DMD: variants seen among roughly 807,000 people sequenced by gnomAD.
The protein encoded by DMD is mutant dystrophin.
A neutral mutation model predicts 330.1 loss-of-function variants in DMD; 63 were observed. That is an observed-to-expected ratio of 0.19 (90% CI 0.16 to 0.24). The LOEUF is 0.24. Ranked by LOEUF, DMD falls within the 10% of genes least tolerant of loss-of-function variation. The pLI is 1.00. For missense variants in DMD, 3,344 were observed against 2,684.1 expected, an observed-to-expected ratio of 1.25 and a Z score of -5.43; for synonymous variants, 1,223 against 959.8, an observed-to-expected ratio of 1.27 and a Z score of -5.07.
chrX:32,670,031 G>C (rs952045135), intron 9 of DMD, among the ~76,000 whole-genome samples: 2 of 111,771 alleles, frequency 1.8e-5, no homozygotes, highest in African/African-American at 6.5e-5. Flanking sequence ...TCTATGGGAT[G>C]ATCTCCTTAT....
Position 32,844,773 on chromosome X carries a change from T to C in DMD, c.264+10A>G, listed in dbSNP as rs1489424257. On this transcript the variant is annotated intron_variant, in intron 4 of 78. Transcript: ENST00000357033. Reference sequence around the variant, plus strand: ...CACAGCATCCAGACCTTGTCCAGGGTACTACTTACATTATTGTTCTGCAAA... The same window carrying C: ...CACAGCATCCAGACCTTGTCCAGGGCACTACTTACATTATTGTTCTGCAAA... The C allele has an allele frequency of 1.7e-6, 2 of 1,200,366 alleles. No individual in the cohort carries two copies. The highest frequency in any genetic ancestry group is 5.9e-5 in the East Asian group (2 of 33,725).
At chrX:31,828,500 C>T (rs2092941041) in intron 49 of DMD, among the ~76,000 whole-genome samples, 1 of 109,408 alleles carries the variant, frequency 9.1e-6, no homozygotes. Flanking sequence ...TCCGACTCTA[C>T]TAAAAATACA....
chrX:32,079,618 A>C (rs762226713), intron 44 of DMD, among the ~76,000 whole-genome samples: 12 of 110,888 alleles, frequency 1.1e-4, no homozygotes, highest in Non-Finnish European at 2.3e-4. Flanking sequence ...GAAAGAAAAG[A>C]AAGAAAAAGA....
At chrX:32,928,588 G>A (rs751281294) in intron 2 of DMD, among the ~76,000 whole-genome samples, 8 of 111,661 alleles carry the variant, frequency 7.2e-5, no homozygotes, top group South Asian at 3.7e-4. Context: ...TTTTCAATCC[G>A]TTTCATCAGG....
At chrX:31,152,477 T>G (rs376197199) in intron 74 of DMD, among the ~76,000 whole-genome samples, 14 of 111,653 alleles carry the variant, frequency 1.3e-4, no homozygotes, top group Non-Finnish European at 2.1e-4. Flanking sequence ...GCATCTTAAA[T>G]GTAAGTAAAA....
intron 2 of DMD, among the ~76,000 whole-genome samples, chrX:32,924,299 G>A (rs5972712): frequency 0.18 from 19,906 of 110,740 alleles, 1,469 homozygotes; most frequent in African/African-American, 0.26. Context: ...AGGCTGAGGC[G>A]GGAGGATTGC....
At chrX:31,248,197 T>C (rs771583732) in intron 63 of DMD, among the ~76,000 whole-genome samples, 1 of 112,504 alleles carries the variant, frequency 8.9e-6, no homozygotes, top group Non-Finnish European at 1.9e-5. Context: ...CTAGACTACA[T>C]TATAGAGTAA....
In DMD at chrX:31,203,943, A is replaced by G. The variant is rs1290382564; in HGVS notation, c.9807+18T>C. On this transcript the variant is annotated intron_variant, in intron 67 of 78. Coordinates refer to ENST00000357033, the MANE Select transcript of DMD (RefSeq NM_004006.3). ...ATATGAAAGAATAAATATGTTACCT[A>G]GAAGGTGAATAACTTACAAATTGGA... The G allele has an allele frequency of 8.4e-7, 1 of 1,187,006 alleles. No individual in the cohort carries two copies. The highest frequency in any genetic ancestry group is 1.1e-6 in the Non-Finnish European group (1 of 872,848).
At chrX:31,301,520 C>A (rs2054639111) in intron 62 of DMD, among the ~76,000 whole-genome samples, 1 of 111,226 alleles carries the variant, frequency 9.0e-6, no homozygotes, top group African/African-American at 3.3e-5. Flanking sequence ...ATAACTAGAT[C>A]TCTTGAGAAC....
At chrX:33,164,946 A>G (rs1409717924) in intron 1 of DMD, among the ~76,000 whole-genome samples, 2 of 100,159 alleles carry the variant, frequency 2.0e-5, no homozygotes, top group Non-Finnish European at 4.0e-5. Flanking sequence ...TTTTTTTTGC[A>G]TACAGACTTA....
At chrX:33,015,483 AG>A (rs1404021349) in intron 2 of DMD, among the ~76,000 whole-genome samples, 1 of 110,789 alleles carries the variant, frequency 9.0e-6, no homozygotes, top group African/African-American at 3.3e-5. Context: ...GGACACATAG[AG>A]GGGAACAACA....
intron 13 of DMD, among the ~76,000 whole-genome samples, chrX:32,584,368 A>AT (rs1345903848): frequency 1.8e-5 from 2 of 112,080 alleles, no homozygotes; most frequent in Non-Finnish European, 3.8e-5. Flanking sequence ...CCCTTTGTTA[A>AT]TATCTTGAAA....
At chrX:32,805,659 A>AG (rs1478790709) in intron 7 of DMD, among the ~76,000 whole-genome samples, 32 of 111,709 alleles carry the variant, frequency 2.9e-4, no homozygotes, top group Non-Finnish European at 5.3e-4. Flanking sequence ...GTTGAAATGA[A>AG]GGAAAAAATG....
chrX:31,714,302 T>C (rs1473123892), intron 52 of DMD, among the ~76,000 whole-genome samples: 1 of 111,888 alleles, frequency 8.9e-6, no homozygotes, highest in Non-Finnish European at 1.9e-5. Context: ...TATAATTAAA[T>C]TCTACCAAAT....
intron 9 of DMD, among the ~76,000 whole-genome samples, chrX:32,670,927 G>A (rs1331223279): frequency 9.0e-6 from 1 of 110,529 alleles, no homozygotes; most frequent in Non-Finnish European, 1.9e-5. Context: ...TAAACAGTGA[G>A]GATGTGTGTG....
chrX:32,639,551 T>C (rs910385507), intron 11 of DMD, among the ~76,000 whole-genome samples: 1 of 112,432 alleles, frequency 8.9e-6, no homozygotes, highest in African/African-American at 3.2e-5. Flanking sequence ...CCAAACTCAT[T>C]TGTGACTGGA....
At chrX:31,357,156 GC>G (rs1226048372) in intron 60 of DMD, among the ~76,000 whole-genome samples, 1 of 111,127 alleles carries the variant, frequency 9.0e-6, no homozygotes, top group Non-Finnish European at 1.9e-5. Context: ...TTATTCTTGA[GC>G]TTTATTTATA....
At position 31,205,704 on chromosome X, in the gene DMD, G is replaced by A. The variant is rs745753026; in HGVS notation, c.9649+878C>T. Among the ~76,000 whole-genome samples the A allele has an allele frequency of 1.4e-4, 16 of 112,293 alleles. No individual in the cohort carries two copies. In the East Asian group the frequency reaches 3.9e-3, roughly 27 times the overall value. On this transcript the variant is annotated intron_variant, in intron 66 of 78. Transcript: ENST00000357033. ...CAAGTGGAAACTACATAAAAGTGAG[G>A]GCCAAAATGGTTTGTGTATTTTGTG...
chrX:31,926,763 A>G (rs1232851152), intron 47 of DMD, among the ~76,000 whole-genome samples: 1 of 111,995 alleles, frequency 8.9e-6, no homozygotes, highest in East Asian at 2.8e-4. Context: ...TATTAGAGTT[A>G]GCTGTGGAGA....
Sources: gnomAD v4.1 joint callset for allele counts (sites outside exome capture counted in the v4.1 genomes callset) on GRCh38, gnomAD v4.1.1 for gene constraint, MANE v1.5 for transcripts, NCBI Gene and HGNC (gene_info 2026-07-23, HGNC 2026-07-21) for gene names.